FAT4: variants seen among roughly 807,000 people sequenced by gnomAD.
FAT4 encodes the protein protocadherin Fat 4.
FAT4 carries 84 observed loss-of-function variants against 303.9 expected under a neutral mutation model. That is an observed-to-expected ratio of 0.28 (90% CI 0.23 to 0.33). The LOEUF is 0.33. Among genes scored for constraint, FAT4 ranks in the 10% least tolerant of loss-of-function variants. The pLI is 1.00. For missense variants in FAT4, 6,005 were observed against 6,146.8 expected, an observed-to-expected ratio of 0.98 and a Z score of 0.77; for synonymous variants, 2,307 against 2,298.8, an observed-to-expected ratio of 1.00 and a Z score of -0.10.
At chr4:125,467,221 A>G (rs1726697857) in intron 11 of FAT4, among the ~76,000 whole-genome samples, 1 of 152,012 alleles carries the variant, frequency 6.6e-6, no homozygotes, top group African/African-American at 2.4e-5. Context: ...GTGGTAGTCA[A>G]AATAGCTAGA....
At chr4:125,360,337 T>C (rs1311028278) in intron 2 of FAT4, among the ~76,000 whole-genome samples, 1 of 152,192 alleles carries the variant, frequency 6.6e-6, no homozygotes, top group South Asian at 2.1e-4. Flanking sequence ...GTTAACTTCA[T>C]TAAATTTTCA....
chr4:125,460,914 T>A (rs1221042192), intron 10 of FAT4, among the ~76,000 whole-genome samples: 2 of 152,102 alleles, frequency 1.3e-5, no homozygotes, highest in East Asian at 3.8e-4. Flanking sequence ...CAACCTTATT[T>A]TTAAACTGAA....
intron 2 of FAT4, among the ~76,000 whole-genome samples, chr4:125,341,655 T>G (rs563915927): frequency 2.4e-4 from 37 of 152,160 alleles, no homozygotes; most frequent in African/African-American, 8.7e-4. Flanking sequence ...CATTTACAAA[T>G]AAGAATATTT....
chr4:125,390,358 C>T (rs527740248), intron 2 of FAT4, among the ~76,000 whole-genome samples: 2 of 152,292 alleles, frequency 1.3e-5, no homozygotes, highest in South Asian at 4.1e-4. Context: ...CCACACTCTA[C>T]ACTCATCTCA....
Position 125,490,846 on chromosome 4 carries a change from A to G in FAT4, c.14030A>G (p.Gln4677Arg), listed in dbSNP as rs2126097462. ...MPLGASSLTY[Q>R]PSYGQGLRTS... ...TTAGGAGCAAGCAGTTTGACTTACC[A>G]GCCTTCATATGGTCAAGGTTTGAGA... Residue 4677 changes from glutamine to arginine, a missense_variant, in exon 18 of 18, where the codon CAG becomes CGG. Transcript: ENST00000394329. 1 of 1,614,180 alleles carries G rather than the reference A, an allele frequency of 6.2e-7. No homozygotes were observed.
rs763936792 is a variant in FAT4, at chr4:125,446,344, A to G, written c.7251A>G (p.Gly2417=). The change falls in exon 9 of 18, where the codon GGA becomes GGG. Residue 2417 remains glycine (G), a synonymous_variant. Transcript: ENST00000394329. ...NSQFTINPST[G]QIITSALLDR... is the part of the protein sequence containing the mutation. Reference sequence around the variant, plus strand: ...AGTTCACGATCAACCCATCGACAGGACAAATCATCACCAGCGCATTGTTAG... The same window carrying G: ...AGTTCACGATCAACCCATCGACAGGGCAAATCATCACCAGCGCATTGTTAG... 3 of 1,613,192 alleles carry G rather than the reference A, an allele frequency of 1.9e-6. No homozygotes were observed. Among genetic ancestry groups the G allele is most frequent in the Non-Finnish European group, 2.5e-6 (3 of 1,179,368 alleles).
Position 125,452,527 on chromosome 4 carries a change from C to G in FAT4, c.11517C>G (p.Ile3839Met), listed in dbSNP as rs758152796. Residue 3839 changes from isoleucine to methionine, a missense_variant, in exon 10 of 18, where the codon ATC becomes ATG. By Grantham distance (10) the Ile-to-Met change is conservative. Coordinates refer to ENST00000394329, the MANE Select transcript of FAT4 (RefSeq NM_001291303.3). ...LKSRESLPVI[I>M]VANEPLQPFL... ...GCCGTGAGAGTCTTCCAGTCATCAT[C>G]GTGGCAAATGAACCTCTGCAGCCTT... The G allele has an allele frequency of 3.7e-6, 6 of 1,614,036 alleles. No individual in the cohort carries two copies. The highest frequency in any genetic ancestry group is 5.1e-6 in the Non-Finnish European group (6 of 1,180,004).
chr4:125,418,875 C>G (rs1293426549), intron 7 of FAT4, among the ~76,000 whole-genome samples: 1 of 126,904 alleles, frequency 7.9e-6, no homozygotes, highest in Non-Finnish European at 1.6e-5. Context: ...CAAGAGTTTG[C>G]CTTACCATTT....
intron 2 of FAT4, among the ~76,000 whole-genome samples, chr4:125,386,341 C>T (rs1391215745): frequency 2.0e-5 from 3 of 152,022 alleles, no homozygotes; most frequent in African/African-American, 7.2e-5. Context: ...GCAGTGGCAC[C>T]ATCTCGGCTT....
intron 10 of FAT4, 63 bp from the exon 11 acceptor site, chr4:125,463,500 G>A (rs1336486190): frequency 4.2e-6 from 4 of 952,846 alleles, no homozygotes; most frequent in African/African-American, 1.6e-5. Flanking sequence ...TATGGTAATG[G>A]TGTAACGGTG....
At chr4:125,429,007 C>G (rs1277886601) in intron 7 of FAT4, among the ~76,000 whole-genome samples, 1 of 152,150 alleles carries the variant, frequency 6.6e-6, no homozygotes, top group Non-Finnish European at 1.5e-5. Flanking sequence ...ACACCACTAC[C>G]TATATAATTC....
In FAT4 at chr4:125,450,491, A is replaced by G; in HGVS notation, c.9481A>G (p.Lys3161Glu). The part of the protein sequence containing the change: ...AKALDYELCQ[K>E]HEMTISAIDG... ...AGCTCTTGATTATGAGCTATGCCAG[A>G]AACACGAAATGACGATTAGTGCTAT... The change falls in exon 10 of 18, where the codon AAA (lysine) becomes GAA (glutamate). Residue 3161 changes from lysine to glutamate, a missense_variant. By Grantham distance (56) the Lys-to-Glu change is moderately conservative (BLOSUM62 1). Transcript: ENST00000394329. 6.2e-7 allele frequency: 1 copy of G among 1,614,186 alleles called. No individual in the cohort carries two copies. The highest frequency in any genetic ancestry group is 8.5e-7 in the Non-Finnish European group (1 of 1,180,030).
chr4:125,441,175 G>T (rs1725649395), intron 8 of FAT4, among the ~76,000 whole-genome samples: 1 of 152,070 alleles, frequency 6.6e-6, no homozygotes, highest in African/African-American at 2.4e-5. Flanking sequence ...GAACTCTAGG[G>T]CCCATAAGAA....
In FAT4 at chr4:125,434,286, G is replaced by T; in HGVS notation, c.7060G>T (p.Val2354Leu). ...TGGAACTGGAACAATCAACGTCATAGTAGATGATGTCAATGACAATGTCCC... is the reference window on the plus strand; with the variant it reads ...TGGAACTGGAACAATCAACGTCATATTAGATGATGTCAATGACAATGTCCC... ...LTGTGTINVI[V>L]DDVNDNVPTF... The change falls in exon 8 of 18, where the codon GTA becomes TTA. Residue 2354 changes from valine to leucine, a missense_variant. By Grantham distance (32) the Val-to-Leu change is conservative. Coordinates refer to ENST00000394329, the MANE Select transcript of FAT4 (RefSeq NM_001291303.3). 6.2e-7 allele frequency: 1 copy of T among 1,613,994 alleles called. No individual in the cohort carries two copies. Among genetic ancestry groups the T allele is most frequent in the Non-Finnish European group, 8.5e-7 (1 of 1,179,946 alleles).
At chr4:125,407,478 C>CA (rs11411219) in intron 4 of FAT4, among the ~76,000 whole-genome samples, 121,261 of 149,474 alleles carry the variant, frequency 0.81, 49,174 homozygotes, top group Non-Finnish European at 0.84. Flanking sequence ...AAAAGAACAG[C>CA]AAAAAAAAAA....
At chr4:125,425,253 T>C (rs1725047847) in intron 7 of FAT4, among the ~76,000 whole-genome samples, 2 of 152,226 alleles carry the variant, frequency 1.3e-5, no homozygotes, top group Non-Finnish European at 2.9e-5. Context: ...CAACAAAAAT[T>C]TGTGTTATAA....
At chr4:125,326,030 T>C (rs992428612) in intron 2 of FAT4, among the ~76,000 whole-genome samples, 1 of 152,028 alleles carries the variant, frequency 6.6e-6, no homozygotes, top group African/African-American at 2.4e-5. Context: ...AGAGAACCAT[T>C]GGTGTGGGTA....
At chr4:125,325,435 T>C (rs1241770069) in intron 2 of FAT4, among the ~76,000 whole-genome samples, 2 of 152,198 alleles carry the variant, frequency 1.3e-5, no homozygotes, top group Non-Finnish European at 2.9e-5. Context: ...ATTGTTGTTT[T>C]CCTGGAAGTG....
At chr4:125,441,396 A>G (rs879436639) in intron 8 of FAT4, among the ~76,000 whole-genome samples, 1 of 152,314 alleles carries the variant, frequency 6.6e-6, no homozygotes, top group Non-Finnish European at 1.5e-5. Flanking sequence ...TATGCAAAAA[A>G]CATGGCATTA....
Sources: gnomAD v4.1 joint callset for allele counts (sites outside exome capture counted in the v4.1 genomes callset) on GRCh38, gnomAD v4.1.1 for gene constraint, MANE v1.5 for transcripts, NCBI Gene and HGNC (gene_info 2026-07-23, HGNC 2026-07-21) for gene names.